Variants in COP1 observed in about 807,000 individuals in gnomAD.
The protein encoded by COP1 is COP1 E3 ubiquitin ligase.
Under a neutral mutation model 101.3 loss-of-function variants are expected in COP1, and 24 were observed. The ratio of observed to expected loss-of-function variants is 0.24; its 90% CI spans 0.17 to 0.33. The LOEUF (loss-of-function observed/expected upper bound fraction) is 0.33. COP1 is among the 10% of genes least tolerant of loss of function. The pLI, the probability that COP1 is intolerant of heterozygous loss-of-function variation, is 1.00. For synonymous variants in COP1, 347 were observed against 341.9 expected (o/e 1.01, Z -0.17); for missense variants, 663 against 906.2 (o/e 0.73, Z 3.45).
chr1:175,994,828 C>A (rs977480367), intron 15 of COP1, among the ~76,000 whole-genome samples: 1 of 152,282 alleles, frequency 6.6e-6, no homozygotes, highest in East Asian at 1.9e-4. Flanking sequence ...CAACATTAGA[C>A]AGATCAATGA....
chr1:175,977,683 C>T (rs1654900459), intron 18 of COP1, among the ~76,000 whole-genome samples: 1 of 151,874 alleles, frequency 6.6e-6, no homozygotes, highest in African/African-American at 2.4e-5. Flanking sequence ...GTTTCTTTTC[C>T]CCAGACAATC....
intron 14 of COP1, among the ~76,000 whole-genome samples, chr1:176,031,096 A>G (rs550088878): frequency 6.6e-6 from 1 of 152,328 alleles, no homozygotes; most frequent in East Asian, 1.9e-4. Context: ...GAGCCTTCAC[A>G]GAGAGTGTGG....
intron 5 of COP1, among the ~76,000 whole-genome samples, chr1:176,156,774 T>A (rs964208755): frequency 3.9e-5 from 6 of 152,178 alleles, no homozygotes; most frequent in African/African-American, 1.2e-4. Flanking sequence ...ATGTATGAGC[T>A]GCACCTAATA....
intron 18 of COP1, among the ~76,000 whole-genome samples, chr1:175,954,244 C>G (rs571509112): frequency 9.2e-5 from 14 of 152,156 alleles, no homozygotes; most frequent in African/African-American, 3.4e-4. Flanking sequence ...AATAAAAATG[C>G]AACATATCAA....
At chr1:176,166,857 A>T (rs76252831) in intron 3 of COP1, among the ~76,000 whole-genome samples, 10,238 of 152,222 alleles carry the variant, frequency 0.067, 427 homozygotes, top group Middle Eastern at 0.12. Context: ...GGACTGCCTG[A>T]GCTCAGGAGT....
chr1:176,047,788 T>C (rs1330437231), intron 11 of COP1, among the ~76,000 whole-genome samples: 1 of 152,162 alleles, frequency 6.6e-6, no homozygotes, highest in Non-Finnish European at 1.5e-5. Context: ...ATTAAGAATA[T>C]TTCAGGCTGG....
At position 176,179,166 on chromosome 1, in the gene COP1, T is replaced by C. The variant is rs143874474; in HGVS notation, c.468-3159A>G. On this transcript the variant is annotated intron_variant, in intron 2 of 19. Coordinates refer to ENST00000367669, the MANE Select transcript of COP1 (RefSeq NM_022457.7). ...ATTAGCGGGCATATTGGTGCACACCTATAGTCCTAGCTACTCAGTAGGCCG... is the reference window on the plus strand; with the variant it reads ...ATTAGCGGGCATATTGGTGCACACCCATAGTCCTAGCTACTCAGTAGGCCG... Among the ~76,000 whole-genome samples, 24 of 151,846 alleles carry C rather than the reference T, an allele frequency of 1.6e-4. No individual in the cohort carries two copies. In the East Asian group the frequency reaches 4.7e-3, roughly 30 times the overall value.
At chr1:175,957,901 T>C (rs913095582) in intron 18 of COP1, among the ~76,000 whole-genome samples, 3 of 152,080 alleles carry the variant, frequency 2.0e-5, no homozygotes, top group African/African-American at 7.2e-5. Flanking sequence ...TCATGCTAAA[T>C]AAAAGGAGCC....
At chr1:175,981,686 C>T (rs1032954996) in intron 18 of COP1, among the ~76,000 whole-genome samples, 5 of 151,988 alleles carry the variant, frequency 3.3e-5, no homozygotes, top group Non-Finnish European at 7.4e-5. Context: ...TTCCTCACAA[C>T]AAAGGAAACA....
intron 3 of COP1, among the ~76,000 whole-genome samples, chr1:176,173,607 T>C (rs1696444589): frequency 1.3e-5 from 2 of 149,132 alleles, no homozygotes; most frequent in South Asian, 4.2e-4. Context: ...ACTACTGCAC[T>C]CCAGCGGGTA....
chr1:176,142,917 A>G (rs1230952895), intron 6 of COP1, among the ~76,000 whole-genome samples: 1 of 152,068 alleles, frequency 6.6e-6, no homozygotes, highest in Non-Finnish European at 1.5e-5. Context: ...AATAATCTGC[A>G]TAATAATATG....
At chr1:176,001,204 G>A (rs373544711) in intron 15 of COP1, among the ~76,000 whole-genome samples, 3 of 152,112 alleles carry the variant, frequency 2.0e-5, no homozygotes, top group Middle Eastern at 6.8e-3. Context: ...AACTCTTCTT[G>A]GGAGTTATTT....
intron 11 of COP1, among the ~76,000 whole-genome samples, chr1:176,071,831 C>G (rs1214048726): frequency 6.6e-6 from 1 of 152,170 alleles, no homozygotes; most frequent in African/African-American, 2.4e-5. Flanking sequence ...TAAATGCTAA[C>G]CTAATTAATG....
intron 3 of COP1, among the ~76,000 whole-genome samples, chr1:176,173,853 T>C (rs1696502905): frequency 6.6e-6 from 1 of 150,920 alleles, no homozygotes. Flanking sequence ...CCGGGTACAG[T>C]GGCGCACGTC....
chr1:176,148,186 C>A lies in COP1; in HGVS notation c.831+820G>T, dbSNP rs138239055. On this transcript the variant is annotated intron_variant, in intron 6 of 19. Transcript: ENST00000367669. Reference sequence around the variant, plus strand: ...AGCAACAGTTGAGAATAAGAAAAATCTAGTCACAAACCACATAAAAAATAT... The same window carrying A: ...AGCAACAGTTGAGAATAAGAAAAATATAGTCACAAACCACATAAAAAATAT... Among the ~76,000 whole-genome samples the A allele has an allele frequency of 2.6e-3, 400 of 152,042 alleles. 3 individuals carry two copies. Among genetic ancestry groups the A allele is most frequent in the African/African-American group, 9.2e-3 (381 of 41,518 alleles).
Position 175,959,317 on chromosome 1 carries a change from A to G in COP1, c.2134-12078T>C, listed in dbSNP as rs186027652. ...CTGAAGGAAACTTCTTTGTAAGGGT[A>G]TGTATCTACAAAACTCTTACAGCAG... On this transcript the variant is annotated intron_variant, in intron 18 of 19. Coordinates refer to ENST00000367669, the MANE Select transcript of COP1 (RefSeq NM_022457.7). Among the ~76,000 whole-genome samples, 3 of 152,196 alleles carry G rather than the reference A, an allele frequency of 2.0e-5. No homozygotes were observed. In the East Asian group the frequency reaches 5.8e-4, roughly 29 times the overall value.
At position 176,206,560 on chromosome 1, in the gene COP1, C is replaced by A. The variant is rs1217288542; in HGVS notation, c.407+12G>T. 1 of 1,603,794 alleles carries A rather than the reference C, an allele frequency of 6.2e-7. No homozygotes were observed. Among genetic ancestry groups the A allele is most frequent in the Non-Finnish European group, 8.5e-7 (1 of 1,178,096 alleles). On this transcript the variant is annotated intron_variant, in intron 1 of 19. Coordinates refer to ENST00000367669, the MANE Select transcript of COP1 (RefSeq NM_022457.7). ...AATTTAGGGACAAGGAGGGAGTGCTCTTCAAACCCACCATACGAAGTCGTT... is the reference window on the plus strand; with the variant it reads ...AATTTAGGGACAAGGAGGGAGTGCTATTCAAACCCACCATACGAAGTCGTT...
Position 176,081,235 on chromosome 1 carries a change from C to A in COP1, c.1194G>T (p.Lys398Asn), listed in dbSNP as rs748376806. 1 of 1,607,322 alleles carries A rather than the reference C, an allele frequency of 6.2e-7. No homozygotes were observed. Among genetic ancestry groups the A allele is most frequent in the East Asian group, 2.2e-5 (1 of 44,612 alleles). ...GTCGTACTGAATTATATCGAGTAAACTTGGACAAGCATTCCTGAAATTCAT... is the reference window on the plus strand; with the variant it reads ...GTCGTACTGAATTATATCGAGTAAAATTGGACAAGCATTCCTGAAATTCAT... ...QLDEFQECLSKFTRYNSVRPL... is the reference protein window; with the variant it reads ...QLDEFQECLSNFTRYNSVRPL... The change falls in exon 11 of 20, where the codon AAG (lysine) becomes AAT (asparagine). Residue 398 changes from lysine to asparagine, a missense_variant. Lys to Asn is a moderately conservative substitution (Grantham distance 94, BLOSUM62 0). Coordinates refer to ENST00000367669, the MANE Select transcript of COP1 (RefSeq NM_022457.7).
intron 10 of COP1, among the ~76,000 whole-genome samples, chr1:176,081,626 A>C (rs1679178390): frequency 6.6e-6 from 1 of 152,092 alleles, no homozygotes; most frequent in Non-Finnish European, 1.5e-5. Context: ...GAGGATATTA[A>C]GAAGAGTACT....
Sources: gnomAD v4.1 joint callset for allele counts (sites outside exome capture counted in the v4.1 genomes callset) on GRCh38, gnomAD v4.1.1 for gene constraint, MANE v1.5 for transcripts, NCBI Gene and HGNC (gene_info 2026-07-23, HGNC 2026-07-21) for gene names.